Variants in MLLT3 observed in about 807,000 individuals in gnomAD.
The protein encoded by MLLT3 is protein AF-9.
MLLT3 carries 4 observed loss-of-function variants against 53.2 expected under a neutral mutation model. The observed-to-expected ratio is 0.08, with a 90% CI of 0.04 to 0.17. The LOEUF (loss-of-function observed/expected upper bound fraction) is 0.17, where lower values mean the gene tolerates loss of function less well. MLLT3 is among the 10% of genes least tolerant of loss of function. The probability of loss-of-function intolerance (pLI) is 1.00; values close to 1 mark genes in which losing one functional copy is unlikely to be tolerated. For synonymous variants in MLLT3, 283 were observed against 230.6 expected (o/e 1.23, Z -2.06); for missense variants, 569 against 684.0 (o/e 0.83, Z 1.87).
chr9:20,349,891 T>C (rs1820968232), intron 10 of MLLT3, among the ~76,000 whole-genome samples: 1 of 152,114 alleles, frequency 6.6e-6, no homozygotes, highest in African/African-American at 2.4e-5. Context: ...CAAGAATACA[T>C]CAAGGTAGAT....
At chr9:20,384,978 T>C (rs1047396339) in intron 5 of MLLT3, among the ~76,000 whole-genome samples, 4 of 152,126 alleles carry the variant, frequency 2.6e-5, no homozygotes, top group Admixed American at 2.6e-4. Flanking sequence ...TTCTTTGCCT[T>C]TTTAGATCTC....
Position 20,345,133 on chromosome 9 carries a change from G to A in MLLT3, c.*1310C>T, listed in dbSNP as rs1284347390. ...GACAGATTTCTAGTTTCAAAACAAG[G>A]GTACAACAAGAACAAAAAAATCCCC... On this transcript the variant is annotated 3_prime_UTR_variant, in exon 11 of 11. Transcript: ENST00000380338. 1 of 222,958 alleles carries A rather than the reference G, an allele frequency of 4.5e-6. No individual in the cohort carries two copies. Among genetic ancestry groups the A allele is most frequent in the Non-Finnish European group, 8.9e-6 (1 of 111,836 alleles). The allele number at this position is 222,958 out of a possible 1,614,324, so 13.8% of individuals were successfully genotyped here. A position where few individuals can be genotyped will look rare whatever the true frequency, so the allele number is the denominator to read the frequency against.
chr9:20,610,477 G>A (rs10115725), intron 2 of MLLT3, among the ~76,000 whole-genome samples: 2,137 of 152,226 alleles, frequency 0.014, 52 homozygotes, highest in African/African-American at 0.049. Flanking sequence ...TATTAGAGGT[G>A]CAGAAGAAAT....
At chr9:20,380,152 C>T (rs753894604) in intron 5 of MLLT3, 3 of 151,980 alleles carry the variant, frequency 2.0e-5, no homozygotes, top group Non-Finnish European at 2.9e-5. Context: ...CTCTTATCCA[C>T]TGGTTACTAA....
chr9:20,377,664 G>A (rs1425938812), intron 5 of MLLT3, among the ~76,000 whole-genome samples: 2 of 152,208 alleles, frequency 1.3e-5, no homozygotes, highest in South Asian at 2.1e-4. Flanking sequence ...TTACACAGAT[G>A]TCAAGAAGTA....
At chr9:20,609,703 G>A (rs1430273664) in intron 2 of MLLT3, among the ~76,000 whole-genome samples, 2 of 152,080 alleles carry the variant, frequency 1.3e-5, no homozygotes, top group Non-Finnish European at 1.5e-5. Context: ...GAATGGCACC[G>A]ATATGATCAG....
intron 2 of MLLT3, among the ~76,000 whole-genome samples, chr9:20,479,021 A>G (rs1318520425): frequency 6.6e-6 from 1 of 152,116 alleles, no homozygotes; most frequent in Non-Finnish European, 1.5e-5. Flanking sequence ...GAAGGCTCTC[A>G]ATTAAAGAGA....
chr9:20,519,715 G>A (rs796445989), intron 2 of MLLT3, among the ~76,000 whole-genome samples: 1 of 152,324 alleles, frequency 6.6e-6, no homozygotes, highest in South Asian at 2.1e-4. Flanking sequence ...TGGCAAGGTT[G>A]TGGAGAAAAT....
chr9:20,527,053 A>AC (rs1818221103), intron 2 of MLLT3, among the ~76,000 whole-genome samples: 1 of 152,124 alleles, frequency 6.6e-6, no homozygotes, highest in Non-Finnish European at 1.5e-5. Context: ...CAAAGCTTTT[A>AC]ATCTATTTAG....
At chr9:20,433,269 G>A (rs1015648394) in intron 4 of MLLT3, among the ~76,000 whole-genome samples, 1 of 152,108 alleles carries the variant, frequency 6.6e-6, no homozygotes, top group Admixed American at 6.6e-5. Flanking sequence ...AGTATGCAAA[G>A]AAACCAGGTT....
intron 5 of MLLT3, among the ~76,000 whole-genome samples, chr9:20,372,494 TCTC>T (rs1821631828): frequency 6.6e-6 from 1 of 151,560 alleles, no homozygotes; most frequent in African/African-American, 2.4e-5. Flanking sequence ...TTCACGCCAT[TCTC>T]CTGCCTCAGC....
intron 2 of MLLT3, among the ~76,000 whole-genome samples, chr9:20,566,541 C>A (rs1819382640): frequency 1.3e-5 from 2 of 152,100 alleles, no homozygotes; most frequent in Admixed American, 1.3e-4. Context: ...CGTATACATG[C>A]TTATCAGTTT....
At chr9:20,391,559 AATC>A (rs1420205140) in intron 5 of MLLT3, among the ~76,000 whole-genome samples, 1 of 152,176 alleles carries the variant, frequency 6.6e-6, no homozygotes, top group East Asian at 1.9e-4. Flanking sequence ...AAACACAGGG[AATC>A]ATCATCTCAT....
chr9:20,610,679 T>C (rs905529714), intron 2 of MLLT3, among the ~76,000 whole-genome samples: 1 of 152,142 alleles, frequency 6.6e-6, no homozygotes, highest in Non-Finnish European at 1.5e-5. Context: ...TCCTTTCTGA[T>C]GTGTAACTCT....
intron 4 of MLLT3, among the ~76,000 whole-genome samples, chr9:20,440,093 T>C (rs1190358177): frequency 6.6e-6 from 1 of 152,178 alleles, no homozygotes; most frequent in Non-Finnish European, 1.5e-5. Flanking sequence ...ATAAACTAAT[T>C]ATCTGCTGAC....
At chr9:20,379,056 C>T (rs1016309420) in intron 5 of MLLT3, among the ~76,000 whole-genome samples, 77 of 152,162 alleles carry the variant, frequency 5.1e-4, no homozygotes, top group African/African-American at 1.7e-3. Flanking sequence ...TCTATTGTTG[C>T]ACTTCATAAT....
At chr9:20,363,383 G>T (rs1233295602) in intron 7 of MLLT3, 93 bp downstream of exon 7, 2,964 of 1,340,460 alleles carry the variant, frequency 2.2e-3, no homozygotes, top group East Asian at 5.7e-3. Flanking sequence ...TGCCGTTTTT[G>T]GTGTTTCACA....
intron 5 of MLLT3, among the ~76,000 whole-genome samples, chr9:20,386,607 C>T (rs1822042719): frequency 1.3e-5 from 2 of 152,180 alleles, no homozygotes; most frequent in South Asian, 2.1e-4. Flanking sequence ...CTGGAAGTGA[C>T]AGACTCCATC....
intron 2 of MLLT3, among the ~76,000 whole-genome samples, chr9:20,530,311 AAC>A (rs1369590196): frequency 6.6e-6 from 1 of 152,214 alleles, no homozygotes; most frequent in Non-Finnish European, 1.5e-5. Context: ...CCAAGACTAG[AAC>A]ACACACATAT....
Sources: allele counts gnomAD v4.1 joint callset (sites outside exome capture counted in the v4.1 genomes callset), GRCh38; gene constraint gnomAD v4.1.1; transcripts MANE v1.5; gene names NCBI Gene and HGNC (gene_info 2026-07-23, HGNC 2026-07-21).